RTN1: variants seen among roughly 807,000 people sequenced by gnomAD.
RTN1 encodes the protein reticulon-1.
RTN1 carries 25 observed loss-of-function variants against 65.5 expected under a neutral mutation model. That is an observed-to-expected ratio of 0.38 (90% CI 0.28 to 0.53). The LOEUF is 0.53. Ranked by LOEUF, RTN1 falls within the 20% of genes least tolerant of loss-of-function variation. RTN1 has a pLI of 0.79. For synonymous variants in RTN1, 471 were observed against 447.6 expected (o/e 1.05, Z -0.66); for missense variants, 983 against 1,025.4 (o/e 0.96, Z 0.57).
At chr14:59,800,947 A>G (rs955309914) in intron 1 of RTN1, among the ~76,000 whole-genome samples, 39 of 145,634 alleles carry the variant, frequency 2.7e-4, no homozygotes, top group African/African-American at 1.0e-3. Flanking sequence ...AAAAGATGTA[A>G]AAAAAAAAGT....
At chr14:59,696,485 T>G (rs892407047) in intron 3 of RTN1, among the ~76,000 whole-genome samples, 5 of 151,840 alleles carry the variant, frequency 3.3e-5, no homozygotes, top group African/African-American at 1.2e-4. Context: ...TTTTTTTTCA[T>G]TTTTTAAAGG....
intron 3 of RTN1, among the ~76,000 whole-genome samples, chr14:59,659,165 T>G (rs571062176): frequency 6.7e-6 from 1 of 149,800 alleles, no homozygotes; most frequent in South Asian, 2.1e-4. Flanking sequence ...TGAAATAAAG[T>G]GTGAAGACAA....
At chr14:59,866,459 G>T (rs1887800366) in intron 1 of RTN1, among the ~76,000 whole-genome samples, 1 of 151,916 alleles carries the variant, frequency 6.6e-6, no homozygotes, top group Non-Finnish European at 1.5e-5. Context: ...TGGTTTTCTT[G>T]GAACAGTAAG....
intron 1 of RTN1, among the ~76,000 whole-genome samples, chr14:59,811,220 G>A (rs1886722421): frequency 6.6e-6 from 1 of 152,124 alleles, no homozygotes; most frequent in African/African-American, 2.4e-5. Context: ...GTATCACTGA[G>A]TTGTATTAGT....
chr14:59,765,129 A>G lies in RTN1; in HGVS notation c.242-18648T>C, dbSNP rs185636617. The stretch of plus-strand genomic sequence containing the variant: ...TGTGTTAAACTGGAAGAATTAGGAG[A>G]AAAAAAAAACAAAGAAGGAGTAGGA... On this transcript the variant is annotated intron_variant, in intron 1 of 8. Transcript: ENST00000267484. Among the ~76,000 whole-genome samples, 64 of 140,940 alleles carry G rather than the reference A, an allele frequency of 4.5e-4. 1 individual carries two copies. In the East Asian group the frequency reaches 0.012, roughly 26 times the overall value. The allele number at this position is 140,940 out of a possible 152,430, so 92.5% of individuals were successfully genotyped here. A position where few individuals can be genotyped will look rare whatever the true frequency, so the allele number is the denominator to read the frequency against.
At chr14:59,791,090 G>A (rs757514347) in intron 1 of RTN1, among the ~76,000 whole-genome samples, 3 of 151,712 alleles carry the variant, frequency 2.0e-5, no homozygotes, top group Non-Finnish European at 4.4e-5. Flanking sequence ...TCTTTATAGC[G>A]AAAAGCAATC....
rs1212841333 is a variant in RTN1 at position 59,766,103 on chromosome 14, A to G, written c.242-19622T>C. ...AAATTAGTCGGGCTTGGTGGTACAC[A>G]CTTGTAGTCCCAGCTACTTGGGAGG... On this transcript the variant is annotated intron_variant, in intron 1 of 8. Transcript: ENST00000267484. This position sits in a 1 kb window ranked among gnomAD's most constrained non-coding sequence, Gnocchi z 4.4. Among the ~76,000 whole-genome samples the G allele has an allele frequency of 2.0e-5, 3 of 152,220 alleles. No homozygotes were observed. The highest frequency in any genetic ancestry group is 3.9e-4 in the East Asian group (2 of 5,166).
chr14:59,839,430 C>G (rs1031839183), intron 1 of RTN1, among the ~76,000 whole-genome samples: 4 of 152,110 alleles, frequency 2.6e-5, no homozygotes, highest in Admixed American at 6.6e-5. Context: ...TCATGCATGC[C>G]TATTGCAACC....
chr14:59,649,500 A>T (rs1287705464), intron 3 of RTN1, among the ~76,000 whole-genome samples: 1 of 152,188 alleles, frequency 6.6e-6, no homozygotes, highest in Non-Finnish European at 1.5e-5. Context: ...AATTTTTGCA[A>T]TGTATCCATC....
At chr14:59,647,054 G>A (rs144945227) in intron 3 of RTN1, 92 of 153,144 alleles carry the variant, frequency 6.0e-4, no homozygotes, top group African/African-American at 2.2e-3. Context: ...CTGTCTTCAA[G>A]AGACCCATCT....
At chr14:59,643,898 A>AT (rs1197769345) in intron 3 of RTN1, among the ~76,000 whole-genome samples, 1 of 152,078 alleles carries the variant, frequency 6.6e-6, no homozygotes, top group Non-Finnish European at 1.5e-5. Flanking sequence ...TCAAGAAAAA[A>AT]AAATAAAAAC....
chr14:59,662,503 T>C (rs1015131757), intron 3 of RTN1, among the ~76,000 whole-genome samples: 4 of 152,208 alleles, frequency 2.6e-5, no homozygotes, highest in Admixed American at 1.3e-4. Flanking sequence ...TCATTTTTTA[T>C]GGCTGCATAG....
At chr14:59,704,842 T>C (rs1056524739) in intron 3 of RTN1, among the ~76,000 whole-genome samples, 5 of 152,132 alleles carry the variant, frequency 3.3e-5, no homozygotes, top group Middle Eastern at 3.4e-3. Flanking sequence ...CCACAGACCA[T>C]AGACGTATCA....
At chr14:59,664,840 T>C (rs919287807) in intron 3 of RTN1, among the ~76,000 whole-genome samples, 8 of 152,190 alleles carry the variant, frequency 5.3e-5, no homozygotes, top group African/African-American at 1.9e-4. Context: ...AAGTTTTTAT[T>C]TCCCTGGGAT....
At chr14:59,650,991 C>T (rs888134546) in intron 3 of RTN1, among the ~76,000 whole-genome samples, 1 of 151,714 alleles carries the variant, frequency 6.6e-6, no homozygotes, top group African/African-American at 2.4e-5. Flanking sequence ...GCTAACATGG[C>T]GAAACCCTGT....
At chr14:59,708,885 CT>C (rs1884355741) in intron 3 of RTN1, among the ~76,000 whole-genome samples, 1 of 152,222 alleles carries the variant, frequency 6.6e-6, no homozygotes, top group South Asian at 2.1e-4. Flanking sequence ...GAAAATCCAT[CT>C]GATCATCGCA....
intron 3 of RTN1, among the ~76,000 whole-genome samples, chr14:59,718,620 T>C (rs1884586869): frequency 6.6e-6 from 1 of 152,144 alleles, no homozygotes; most frequent in Non-Finnish European, 1.5e-5. Flanking sequence ...CCTAAATATA[T>C]TAAACCCGTT....
At chr14:59,711,897 C>T (rs986077141) in intron 3 of RTN1, among the ~76,000 whole-genome samples, 6 of 152,120 alleles carry the variant, frequency 3.9e-5, no homozygotes, top group South Asian at 4.2e-4. Flanking sequence ...TTCTGGCCTA[C>T]GAGCCATAGG....
chr14:59,817,231 C>A (rs1418763494), intron 1 of RTN1, among the ~76,000 whole-genome samples: 9 of 151,928 alleles, frequency 5.9e-5, no homozygotes, highest in Admixed American at 3.9e-4. Context: ...TAATAGTAAG[C>A]AAAATGAAAA....
Sources: allele counts gnomAD v4.1 joint callset (sites outside exome capture counted in the v4.1 genomes callset), GRCh38; gene constraint gnomAD v4.1.1; non-coding constraint Gnocchi (gnomAD v3.1); transcripts MANE v1.5; gene names NCBI Gene and HGNC (gene_info 2026-07-23, HGNC 2026-07-21).